LCORL: variants seen among roughly 807,000 people sequenced by gnomAD.
LCORL encodes ligand dependent nuclear receptor corepressor like.
Under a neutral mutation model 141.8 loss-of-function variants are expected in LCORL, and 41 were observed. That is an observed-to-expected ratio of 0.29 (90% CI 0.23 to 0.38). The LOEUF is 0.38. Among genes scored for constraint, LCORL ranks in the 10% least tolerant of loss-of-function variants. The pLI, the probability that LCORL is intolerant of heterozygous loss-of-function variation, is 1.00. For missense variants in LCORL, 1,759 were observed against 2,035.0 expected, an observed-to-expected ratio of 0.86 and a Z score of 2.61; for synonymous variants, 618 against 694.1, an observed-to-expected ratio of 0.89 and a Z score of 1.72.
chr4:17,842,755 G>A, exon 8 of LCORL: 1 of 177,116 alleles, frequency 5.6e-6, no homozygotes, highest in South Asian at 1.3e-4. Flanking sequence ...TTGTGTGGTA[G>A]AGTGTTTTAT....
chr4:17,920,678 A>G (rs1039072192), intron 4 of LCORL, among the ~76,000 whole-genome samples: 7 of 152,190 alleles, frequency 4.6e-5, no homozygotes, highest in African/African-American at 1.7e-4. Context: ...TCCTTTATCA[A>G]CTAAGTTTAT....
chr4:17,918,900 C>T (rs572457674), intron 4 of LCORL, among the ~76,000 whole-genome samples: 114 of 152,148 alleles, frequency 7.5e-4, no homozygotes, highest in African/African-American at 2.6e-3. Flanking sequence ...CATTTAGATG[C>T]ATCCTAATCA....
chr4:17,859,532 G>C (rs758110120), intron 7 of LCORL, among the ~76,000 whole-genome samples: 49 of 152,184 alleles, frequency 3.2e-4, no homozygotes, highest in Non-Finnish European at 5.7e-4. Flanking sequence ...CAGGTAGAAG[G>C]AAAGATATGG....
chr4:17,897,064 G>A (rs1730046923), intron 5 of LCORL, among the ~76,000 whole-genome samples: 1 of 151,878 alleles, frequency 6.6e-6, no homozygotes, highest in Non-Finnish European at 1.5e-5. Flanking sequence ...CTTTTTTATG[G>A]CTGAATAGCA....
At chr4:17,993,501 G>C in intron 1 of LCORL, among the ~76,000 whole-genome samples, 1 of 151,796 alleles carries the variant, frequency 6.6e-6, no homozygotes, top group East Asian at 1.9e-4. Flanking sequence ...CACCACACCC[G>C]GCCTAATTAA....
At chr4:17,911,850 G>A in intron 4 of LCORL, 4 of 459,936 alleles carry the variant, frequency 8.7e-6, no homozygotes, top group Non-Finnish European at 1.7e-5. Context: ...GCGGCTTGAG[G>A]TCCGGGGACC....
chr4:17,914,020 C>G (rs909828398), intron 4 of LCORL, among the ~76,000 whole-genome samples: 15 of 152,260 alleles, frequency 9.9e-5, no homozygotes, highest in African/African-American at 3.6e-4. Flanking sequence ...AACTTCGTAA[C>G]TGGAAAAATA....
At chr4:17,912,962 A>C in intron 4 of LCORL, 2 of 453,962 alleles carry the variant, frequency 4.4e-6, no homozygotes, top group South Asian at 3.8e-5. Context: ...AGTGACACCA[A>C]AGTTCTAAAA....
At chr4:18,004,693 G>C (rs941467509) in intron 1 of LCORL, among the ~76,000 whole-genome samples, 1 of 152,100 alleles carries the variant, frequency 6.6e-6, no homozygotes, top group African/African-American at 2.4e-5. Context: ...CCTCCCAGCA[G>C]TCCCCCCGCA....
At chr4:17,900,175 A>G (rs1239195904) in intron 5 of LCORL, among the ~76,000 whole-genome samples, 1 of 152,140 alleles carries the variant, frequency 6.6e-6, no homozygotes, top group African/African-American at 2.4e-5. Context: ...GAATTTAAAA[A>G]GTGCACTTTT....
chr4:17,911,735 C>A (rs1480146723), intron 4 of LCORL: 4 of 474,232 alleles, frequency 8.4e-6, no homozygotes, highest in South Asian at 1.7e-5. Context: ...TCCGTCCAAG[C>A]GCCCAGCTAT....
intron 4 of LCORL, among the ~76,000 whole-genome samples, chr4:17,931,912 T>C (rs867227350): frequency 6.6e-6 from 1 of 152,182 alleles, no homozygotes; most frequent in Non-Finnish European, 1.5e-5. Flanking sequence ...TTCTGTGTAT[T>C]TGTCCTTCTG....
At chr4:17,866,686 C>T (rs1330003531) in intron 7 of LCORL, among the ~76,000 whole-genome samples, 1 of 151,974 alleles carries the variant, frequency 6.6e-6, no homozygotes, top group African/African-American at 2.4e-5. Flanking sequence ...CAGACACCTA[C>T]CCTTGCCTTT....
chr4:17,996,466 A>T (rs760029994), intron 1 of LCORL, among the ~76,000 whole-genome samples: 3 of 152,144 alleles, frequency 2.0e-5, no homozygotes, highest in Non-Finnish European at 4.4e-5. Flanking sequence ...GATTCATTAT[A>T]CTGAAATAAC....
At chr4:17,858,376 A>G (rs998211568) in intron 7 of LCORL, among the ~76,000 whole-genome samples, 1 of 152,054 alleles carries the variant, frequency 6.6e-6, no homozygotes, top group Non-Finnish European at 1.5e-5. Context: ...TGTGGGATAA[A>G]TACATGTGAT....
In LCORL at chr4:17,934,694, T is replaced by A. The variant is rs922236811; in HGVS notation, c.431-25349A>T. 4.6e-5 allele frequency among the ~76,000 whole-genome samples: 7 copies of A among 152,304 alleles called. No individual in the cohort carries two copies. The South Asian group carries it at 1.0e-3, about 23-fold the overall frequency. On this transcript the variant is annotated intron_variant, in intron 4 of 7. Transcript: ENST00000635767. ...AATGCAGGAATGCAGATCTGCAGAATTATGGAGCAACAGTAATTCTACATT... is the reference window on the plus strand; with the variant it reads ...AATGCAGGAATGCAGATCTGCAGAAATATGGAGCAACAGTAATTCTACATT...
At position 18,021,322 on chromosome 4, in the gene LCORL, G is replaced by C. The variant is rs1476787451; in HGVS notation, c.154+276C>G. The stretch of plus-strand genomic sequence containing the variant: ...GAGGAGTTTCGGGGAGAGAGCGAGC[G>C]GGCGGCTTCCGCGGGGGCTCAGCAA... On this transcript the variant is annotated intron_variant, in intron 1 of 7. Transcript: ENST00000635767. The surrounding 1 kb of genome is among the most constrained non-coding windows in gnomAD (Gnocchi z 5.5). 2.0e-5 allele frequency among the ~76,000 whole-genome samples: 3 copies of C among 152,124 alleles called. No homozygotes were observed. Among genetic ancestry groups the C allele is most frequent in the African/African-American group, 7.2e-5 (3 of 41,436 alleles).
At chr4:17,938,198 G>C (rs1372407309) in intron 4 of LCORL, among the ~76,000 whole-genome samples, 6 of 151,030 alleles carry the variant, frequency 4.0e-5, no homozygotes, top group African/African-American at 1.5e-4. Context: ...TTAGAGATGG[G>C]GTTTCTCCAT....
At chr4:17,879,167 G>A (rs1269403776) in intron 6 of LCORL, among the ~76,000 whole-genome samples, 1 of 146,496 alleles carries the variant, frequency 6.8e-6, no homozygotes. Context: ...ATTGAAGAAT[G>A]TATTTGTTTA....
Sources: gnomAD v4.1 joint callset for allele counts (sites outside exome capture counted in the v4.1 genomes callset) on GRCh38, gnomAD v4.1.1 for gene constraint, Gnocchi (gnomAD v3.1) non-coding constraint, MANE v1.5 for transcripts, NCBI Gene and HGNC (gene_info 2026-07-23, HGNC 2026-07-21) for gene names.